The following TBC1D15 variants were observed in gnomAD, a reference collection of about 807,000 sequenced individuals.
TBC1D15 encodes the protein TBC1 domain family member 15.
Under a neutral mutation model 95.4 loss-of-function variants are expected in TBC1D15, and 39 were observed. The observed-to-expected ratio is 0.41, with a 90% CI of 0.32 to 0.53. The LOEUF is 0.53. Ranked by LOEUF, TBC1D15 falls within the 20% of genes least tolerant of loss-of-function variation. TBC1D15 has a pLI of 0.29. For synonymous variants in TBC1D15, 258 were observed against 261.3 expected (o/e 0.99, Z 0.12); for missense variants, 733 against 794.3 (o/e 0.92, Z 0.93).
At chr12:71,885,099 T>C (rs1198826553) in intron 5 of TBC1D15, 78 bp downstream of exon 5, 17 of 1,445,270 alleles carry the variant, frequency 1.2e-5, no homozygotes, top group Middle Eastern at 2.0e-4. Context: ...TTACTTGACC[T>C]TGGGCATCAG....
intron 12 of TBC1D15, among the ~76,000 whole-genome samples, chr12:71,915,091 A>T (rs1005676907): frequency 6.6e-6 from 1 of 151,980 alleles, no homozygotes; most frequent in African/African-American, 2.4e-5. Flanking sequence ...AAGGATTATC[A>T]ATGCAGTAAT....
chr12:71,906,957 A>G (rs922279050), intron 10 of TBC1D15, 65 bp from the exon 11 acceptor site: 10 of 1,005,354 alleles, frequency 9.9e-6, no homozygotes, highest in Non-Finnish European at 1.5e-5. Flanking sequence ...TACTTGTAAG[A>G]TGTGAGCTTT....
chr12:71,897,497 T>C (rs1898439565), intron 9 of TBC1D15, among the ~76,000 whole-genome samples: 1 of 152,072 alleles, frequency 6.6e-6, no homozygotes, highest in African/African-American at 2.4e-5. Flanking sequence ...TCACTTAGAT[T>C]TGTATTTACA....
rs1438334860 is a variant in TBC1D15 at position 71,877,543 on chromosome 12, CCTTCCTTCCTTCCTTCCTTT to C, written c.205-2921_205-2902del. Among the ~76,000 whole-genome samples the C allele has an allele frequency of 2.9e-3, 373 of 129,316 alleles. 4 individuals are homozygous for C. The highest frequency in any genetic ancestry group is 0.01 in the African/African-American group (277 of 26,892). 84.8% of individuals were successfully genotyped at this position (129,316 alleles called of 152,430 possible). On this transcript the variant is annotated intron_variant, in intron 3 of 16. Coordinates refer to ENST00000485960, the MANE Select transcript of TBC1D15 (RefSeq NM_001146213.3). The stretch of plus-strand genomic sequence containing the variant: ...TCCTTCCTTCCTTCCTTCCTTCCTT[CCTTCCTTCCTTCCTTCCTTT>C]CTTCTTTTTCTTTCTTTCGTATTTA...
chr12:71,877,844 C>G lies in TBC1D15; in HGVS notation c.205-2625C>G, dbSNP rs183080237. Among the ~76,000 whole-genome samples the G allele has an allele frequency of 3.3e-5, 5 of 152,240 alleles. No individual in the cohort carries two copies. In the East Asian group the frequency reaches 9.6e-4, roughly 29 times the overall value. On this transcript the variant is annotated intron_variant, in intron 3 of 16. Transcript: ENST00000485960. ...CTCTAGTGACCTTTTGCTCTGCCCCCACCTCATTTCATTTGAACTCTGTTT... is the reference window on the plus strand; with the variant it reads ...CTCTAGTGACCTTTTGCTCTGCCCCGACCTCATTTCATTTGAACTCTGTTT...
chr12:71,875,314 C>T (rs909745863), intron 3 of TBC1D15, among the ~76,000 whole-genome samples: 30 of 152,098 alleles, frequency 2.0e-4, no homozygotes, highest in African/African-American at 7.0e-4. Flanking sequence ...ACATTTTTTC[C>T]CGTATGGTGG....
intron 1 of TBC1D15, among the ~76,000 whole-genome samples, chr12:71,842,470 A>T (rs1284394464): frequency 2.0e-5 from 3 of 152,172 alleles, no homozygotes; most frequent in African/African-American, 7.2e-5. Context: ...GAAATGTTTC[A>T]TCTGCCCCTA....
chr12:71,872,174 T>C lies in TBC1D15; in HGVS notation c.129+6T>C. ...TATTACGTGTTTTAGAAAAGGTAAG[T>C]TTCTAGTAAATGATTTTATTTAATA... is the stretch of plus-strand genomic sequence containing the variant. On this transcript the variant is annotated splice_donor_region_variant and intron_variant, in intron 2 of 16. Transcript: ENST00000485960. 1 of 1,500,004 alleles carries C rather than the reference T, an allele frequency of 6.7e-7. No individual in the cohort carries two copies. The highest frequency in any genetic ancestry group is 9.0e-7 in the Non-Finnish European group (1 of 1,113,106). The allele number at this position is 1,500,004 out of a possible 1,614,324, so 92.9% of individuals were successfully genotyped here. A position where few individuals can be genotyped will look rare whatever the true frequency, so the allele number is the denominator to read the frequency against.
chr12:71,913,777 G>A (rs1277462641), intron 11 of TBC1D15, 49 bp from the exon 12 acceptor site: 1 of 1,300,006 alleles, frequency 7.7e-7, no homozygotes, highest in Non-Finnish European at 1.1e-6. Context: ...CTTGCAGAAG[G>A]TTACATAAAA....
rs12319403 is a variant in TBC1D15, at chr12:71,857,152, A to G, written c.31-14918A>G. 7.9e-3 allele frequency among the ~76,000 whole-genome samples: 1,198 copies of G among 151,946 alleles called. 19 individuals carry two copies. Among genetic ancestry groups the G allele is most frequent in the African/African-American group, 0.027 (1,131 of 41,436 alleles). On this transcript the variant is annotated intron_variant, in intron 1 of 16. Transcript: ENST00000485960. ...TGGGGGTGGGGGGGCATCTTGCTTT[A>G]CTGCCCAGGATGGTCTTGAACTCCT...
At chr12:71,859,155 G>A (rs1327974003) in intron 1 of TBC1D15, among the ~76,000 whole-genome samples, 1 of 151,956 alleles carries the variant, frequency 6.6e-6, no homozygotes, top group Admixed American at 6.6e-5. Context: ...ATTTTTAAAT[G>A]TAGATACAGA....
At chr12:71,851,590 G>C (rs1010186623) in intron 1 of TBC1D15, among the ~76,000 whole-genome samples, 1 of 152,198 alleles carries the variant, frequency 6.6e-6, no homozygotes, top group African/African-American at 2.4e-5. Flanking sequence ...GATTCAATGG[G>C]GTTATAGGCA....
intron 1 of TBC1D15, among the ~76,000 whole-genome samples, chr12:71,843,922 T>A (rs953421665): frequency 3.3e-5 from 5 of 152,182 alleles, no homozygotes; most frequent in African/African-American, 7.2e-5. Context: ...CAACCACCTG[T>A]ATTGTGCATT....
intron 14 of TBC1D15, 132 bp downstream of exon 14, chr12:71,918,680 C>CT (rs1206056627): frequency 5.5e-6 from 3 of 548,756 alleles, no homozygotes; most frequent in Non-Finnish European, 9.2e-6. Flanking sequence ...TTCTGATGAA[C>CT]TGGTAGCCTC....
chr12:71,843,910 T>TA (rs923252921), intron 1 of TBC1D15, among the ~76,000 whole-genome samples: 1 of 152,216 alleles, frequency 6.6e-6, no homozygotes, highest in African/African-American at 2.4e-5. Context: ...GTATTGCCCT[T>TA]ACAACCACCT....
At chr12:71,867,301 A>G (rs888864525) in intron 1 of TBC1D15, among the ~76,000 whole-genome samples, 1 of 152,268 alleles carries the variant, frequency 6.6e-6, no homozygotes, top group African/African-American at 2.4e-5. Context: ...AATAACAGTT[A>G]TGATTTAATG....
At chr12:71,907,217 T>A (rs1167987145) in intron 11 of TBC1D15, 79 bp downstream of exon 11, 4 of 827,926 alleles carry the variant, frequency 4.8e-6, no homozygotes, top group Non-Finnish European at 7.3e-6. Context: ...CAGTTAGACA[T>A]GGGTAATAGC....
At chr12:71,849,947 G>T (rs1483732200) in intron 1 of TBC1D15, 4 of 539,924 alleles carry the variant, frequency 7.4e-6, no homozygotes, top group Non-Finnish European at 1.4e-5. Context: ...TCCCCTGAAG[G>T]GTGTTGATCC....
chr12:71,908,547 A>G (rs921520914), intron 11 of TBC1D15, among the ~76,000 whole-genome samples: 2 of 152,174 alleles, frequency 1.3e-5, no homozygotes, highest in Non-Finnish European at 2.9e-5. Flanking sequence ...GGTTTCCCAT[A>G]TGTAAGTTAG....
Sources: gnomAD v4.1 joint callset for allele counts (sites outside exome capture counted in the v4.1 genomes callset) on GRCh38, gnomAD v4.1.1 for gene constraint, MANE v1.5 for transcripts, NCBI Gene and HGNC (gene_info 2026-07-23, HGNC 2026-07-21) for gene names.